Variants in LUZP2 observed in about 807,000 individuals in gnomAD.
LUZP2 encodes leucine zipper protein 2.
A neutral mutation model predicts 51.6 loss-of-function variants in LUZP2; 52 were observed. The observed-to-expected ratio is 1.01, with a 90% CI of 0.81 to 1.27. LUZP2 has a LOEUF of 1.27. Among genes scored for constraint, LUZP2 ranks in the 50% most tolerant of loss-of-function variants. LUZP2 has a pLI of 0.00. For missense variants in LUZP2, 436 were observed against 395.4 expected (o/e 1.10, Z -0.87); for synonymous variants, 154 against 137.3 (o/e 1.12, Z -0.85).
chr11:24,958,534 G>A (rs995472467), intron 7 of LUZP2, among the ~76,000 whole-genome samples: 3 of 151,808 alleles, frequency 2.0e-5, no homozygotes, highest in African/African-American at 7.3e-5. Flanking sequence ...TGTGTTTTTT[G>A]GCTGCATAAA....
At chr11:24,517,985 T>C (rs996774494) in intron 1 of LUZP2, among the ~76,000 whole-genome samples, 16 of 152,152 alleles carry the variant, frequency 1.1e-4, no homozygotes, top group Admixed American at 9.2e-4. Flanking sequence ...TTTTGAAATA[T>C]TGGATGCTTA....
intron 7 of LUZP2, among the ~76,000 whole-genome samples, chr11:24,940,767 A>T (rs1854724459): frequency 1.3e-5 from 2 of 152,144 alleles, no homozygotes; most frequent in Non-Finnish European, 2.9e-5. Context: ...CCTTGAATTC[A>T]ATCTAAGCTT....
At chr11:24,883,176 C>T (rs551250333) in intron 5 of LUZP2, among the ~76,000 whole-genome samples, 14 of 151,904 alleles carry the variant, frequency 9.2e-5, no homozygotes, top group South Asian at 4.2e-4. Context: ...AGTTAGCAAA[C>T]GTTTTTTTAA....
chr11:24,791,060 C>T (rs1001066847), intron 5 of LUZP2, among the ~76,000 whole-genome samples: 14 of 152,116 alleles, frequency 9.2e-5, no homozygotes, highest in Non-Finnish European at 1.9e-4. Flanking sequence ...AATGGTATCT[C>T]GAACTAATGA....
intron 1 of LUZP2, among the ~76,000 whole-genome samples, chr11:24,499,706 T>G (rs1363061207): frequency 3.3e-5 from 5 of 152,200 alleles, no homozygotes; most frequent in African/African-American, 1.2e-4. Context: ...TAATCTCACC[T>G]GTCTTTTATT....
intron 5 of LUZP2, among the ~76,000 whole-genome samples, chr11:24,765,622 C>T (rs28696066): frequency 0.08 from 10,245 of 127,646 alleles, 739 homozygotes; most frequent in African/African-American, 0.21. Context: ...CCTTTTTTTT[C>T]TTTTTTCTTT....
intron 9 of LUZP2, among the ~76,000 whole-genome samples, chr11:24,997,938 A>G (rs1420389066): frequency 6.6e-6 from 1 of 152,072 alleles, no homozygotes; most frequent in Non-Finnish European, 1.5e-5. Context: ...GTAGATATGC[A>G]GCGTTATTTC....
chr11:24,743,572 G>C (rs1271197105), intron 4 of LUZP2, among the ~76,000 whole-genome samples: 2 of 152,204 alleles, frequency 1.3e-5, no homozygotes, highest in Non-Finnish European at 2.9e-5. Flanking sequence ...TCTTTTATCA[G>C]TTCTAGGAGC....
At chr11:24,528,410 A>G (rs575552781) in intron 1 of LUZP2, among the ~76,000 whole-genome samples, 1 of 151,452 alleles carries the variant, frequency 6.6e-6, no homozygotes, top group African/African-American at 2.4e-5. Context: ...GAGCAGGATT[A>G]TTTGGATTAT....
chr11:24,626,415 A>G (rs1042287058), intron 1 of LUZP2, among the ~76,000 whole-genome samples: 4 of 152,218 alleles, frequency 2.6e-5, no homozygotes, highest in Non-Finnish European at 5.9e-5. Flanking sequence ...CTCAACTGTG[A>G]AGTCTTAAAA....
intron 1 of LUZP2, among the ~76,000 whole-genome samples, chr11:24,557,730 CAAAT>C (rs1334325930): frequency 6.6e-6 from 1 of 152,032 alleles, no homozygotes; most frequent in Non-Finnish European, 1.5e-5. Flanking sequence ...AATAAATTTT[CAAAT>C]AAATCTGTTA....
chr11:24,722,052 C>T (rs538986569), intron 1 of LUZP2, among the ~76,000 whole-genome samples: 26 of 152,050 alleles, frequency 1.7e-4, no homozygotes, highest in South Asian at 6.2e-4. Context: ...TATATGTTCC[C>T]GTGCAACACA....
At chr11:25,005,831 G>A (rs1478149715) in intron 9 of LUZP2, among the ~76,000 whole-genome samples, 1 of 152,062 alleles carries the variant, frequency 6.6e-6, no homozygotes, top group Non-Finnish European at 1.5e-5. Context: ...AGGAAAAATC[G>A]GATTTAGTGG....
At chr11:25,016,332 G>A (rs1162966681) in intron 9 of LUZP2, among the ~76,000 whole-genome samples, 3 of 151,894 alleles carry the variant, frequency 2.0e-5, no homozygotes, top group Non-Finnish European at 2.9e-5. Flanking sequence ...AGTCTGTAAT[G>A]CCCATTGTAC....
At chr11:24,880,799 C>T (rs566144474) in intron 5 of LUZP2, among the ~76,000 whole-genome samples, 5 of 151,594 alleles carry the variant, frequency 3.3e-5, no homozygotes, top group Admixed American at 6.6e-5. Flanking sequence ...TTTTGGAACT[C>T]GGATGTTTTA....
At chr11:24,575,713 T>C (rs1013837158) in intron 1 of LUZP2, among the ~76,000 whole-genome samples, 97 of 152,234 alleles carry the variant, frequency 6.4e-4, no homozygotes, top group African/African-American at 2.3e-3. Context: ...CATCACGTAG[T>C]TTTTTAATAT....
intron 5 of LUZP2, among the ~76,000 whole-genome samples, chr11:24,797,766 G>A (rs939086902): frequency 7.9e-5 from 12 of 152,124 alleles, no homozygotes; most frequent in African/African-American, 2.9e-4. Context: ...CTATGAAACA[G>A]CTGACATAGT....
intron 9 of LUZP2, among the ~76,000 whole-genome samples, chr11:25,006,376 T>A (rs1208109126): frequency 6.6e-6 from 1 of 152,162 alleles, no homozygotes. Flanking sequence ...GTTCTGCTCA[T>A]GGCCACAGGA....
intron 5 of LUZP2, among the ~76,000 whole-genome samples, chr11:24,903,118 G>A (rs1262635675): frequency 6.6e-6 from 1 of 152,084 alleles, no homozygotes; most frequent in Non-Finnish European, 1.5e-5. Flanking sequence ...ATTTTGAAGA[G>A]TTTTATTTTG....
Sources: gnomAD v4.1 joint callset for allele counts (sites outside exome capture counted in the v4.1 genomes callset) on GRCh38, gnomAD v4.1.1 for gene constraint, MANE v1.5 for transcripts, NCBI Gene and HGNC (gene_info 2026-07-23, HGNC 2026-07-21) for gene names.